The following SSBP3 variants were observed in gnomAD, a reference collection of about 807,000 sequenced individuals.
SSBP3 encodes the protein single-stranded DNA-binding protein 3.
Under a neutral mutation model 69.6 loss-of-function variants are expected in SSBP3, and 5 were observed. The ratio of observed to expected loss-of-function variants is 0.07; its 90% confidence interval spans 0.04 to 0.15. SSBP3 has a LOEUF of 0.15. Ranked by LOEUF, SSBP3 falls within the 10% of genes least tolerant of loss-of-function variation. The pLI is 1.00. For synonymous variants in SSBP3, 196 were observed against 193.4 expected, an observed-to-expected ratio of 1.01 and a Z score of -0.11; for missense variants, 312 against 534.0, an observed-to-expected ratio of 0.58 and a Z score of 4.10.
intron 4 of SSBP3, among the ~76,000 whole-genome samples, chr1:54,374,429 AGGCCCTGCT>A (rs1452840179): frequency 6.6e-6 from 1 of 152,224 alleles, no homozygotes; most frequent in Non-Finnish European, 1.5e-5. Flanking sequence ...CACTTTCTTG[AGGCCCTGCT>A]GGCCCTGCTC....
chr1:54,368,027 C>T (rs1157904473), intron 4 of SSBP3, among the ~76,000 whole-genome samples: 4 of 152,110 alleles, frequency 2.6e-5, no homozygotes, highest in African/African-American at 9.7e-5. Context: ...CTAGGCCGGG[C>T]ACAGTGGCTC....
chr1:54,243,181 A>G, intron 10 of SSBP3, 54 bp downstream of exon 10: 1 of 1,544,156 alleles, frequency 6.5e-7, no homozygotes, highest in Non-Finnish European at 9.0e-7. Context: ...GTGCTGGCAG[A>G]GGGTGGGGGA....
chr1:54,330,784 G>A (rs1374042452), intron 4 of SSBP3, among the ~76,000 whole-genome samples: 2 of 152,102 alleles, frequency 1.3e-5, no homozygotes, highest in East Asian at 3.9e-4. Context: ...TCCCACCCAC[G>A]TCAAAACCAG....
chr1:54,297,212 C>G (rs915212004), intron 4 of SSBP3, among the ~76,000 whole-genome samples: 2 of 152,202 alleles, frequency 1.3e-5, no homozygotes, highest in African/African-American at 4.8e-5. Context: ...TCCTTTGGGT[C>G]TGGTACCAAT....
chr1:54,270,432 G>A (rs1645173531), intron 5 of SSBP3, among the ~76,000 whole-genome samples: 1 of 152,208 alleles, frequency 6.6e-6, no homozygotes, highest in Non-Finnish European at 1.5e-5. Flanking sequence ...AGGTAAATCA[G>A]GTGGACAAGA....
At chr1:54,303,447 C>A (rs561179365) in intron 4 of SSBP3, among the ~76,000 whole-genome samples, 1 of 152,324 alleles carries the variant, frequency 6.6e-6, no homozygotes, top group African/African-American at 2.4e-5. Context: ...AAACAATCAC[C>A]CGCATTTCCC....
chr1:54,399,999 C>T (rs1166196820), intron 4 of SSBP3, among the ~76,000 whole-genome samples: 1 of 152,114 alleles, frequency 6.6e-6, no homozygotes, highest in East Asian at 1.9e-4. Flanking sequence ...GAAGTGTAGG[C>T]CTCAATTAGG....
chr1:54,268,399 C>T (rs962690207), intron 5 of SSBP3, among the ~76,000 whole-genome samples: 3 of 152,356 alleles, frequency 2.0e-5, no homozygotes, highest in South Asian at 2.1e-4. Flanking sequence ...GCCTCATCCA[C>T]CCAGAGAATT....
At chr1:54,301,145 G>A (rs537585930) in intron 4 of SSBP3, among the ~76,000 whole-genome samples, 19 of 152,282 alleles carry the variant, frequency 1.2e-4, no homozygotes, top group African/African-American at 4.6e-4. Flanking sequence ...AGGTCACTCG[G>A]CAAGGTTAGG....
rs770938911 is a variant in SSBP3, at chr1:54,227,189, G to A, written c.1138-29C>T. 1.9e-5 allele frequency: 22 copies of A among 1,178,532 alleles called. 3 individuals are homozygous for A. Among genetic ancestry groups the A allele is most frequent in the Admixed American group, 5.3e-5 (3 of 56,246 alleles). 73.0% of individuals were successfully genotyped at this position (1,178,532 alleles called of 1,614,324 possible). ...GAAAGGAGAAGCAGAGAAGGGGGGG[G>A]GGTGAGGATTGTGGGGAGGCCGCTG... On this transcript the variant is annotated intron_variant, in intron 17 of 17. Coordinates refer to ENST00000610401, the Ensembl canonical transcript of SSBP3.
At chr1:54,402,448 T>G (rs977284907) in intron 3 of SSBP3, among the ~76,000 whole-genome samples, 6 of 152,200 alleles carry the variant, frequency 3.9e-5, no homozygotes, top group Non-Finnish European at 8.8e-5. Flanking sequence ...ATGCCGCGAT[T>G]TGGAAGACTC....
At chr1:54,361,213 A>G (rs949698112) in intron 4 of SSBP3, among the ~76,000 whole-genome samples, 14 of 152,156 alleles carry the variant, frequency 9.2e-5, no homozygotes, top group African/African-American at 3.4e-4. Context: ...AATTACTTCT[A>G]CCCTAGAAGG....
Position 54,322,727 on chromosome 1 carries a change from C to G in SSBP3, c.277-41200G>C, listed in dbSNP as rs368944540. 1.7e-4 allele frequency among the ~76,000 whole-genome samples: 26 copies of G among 152,186 alleles called. No individual in the cohort carries two copies. In the East Asian group the frequency reaches 2.5e-3, roughly 15 times the overall value. On this transcript the variant is annotated intron_variant, in intron 4 of 17. Transcript: ENST00000610401. ...CAACAACTCACCTGTCTCCCTACCC[C>G]CCAACCCCGGCACCTCAACCAACCA...
intron 5 of SSBP3, among the ~76,000 whole-genome samples, chr1:54,265,282 G>A (rs923193999): frequency 6.6e-6 from 1 of 152,182 alleles, no homozygotes; most frequent in African/African-American, 2.4e-5. Flanking sequence ...ACTTGGCATG[G>A]CTTGGAGAGG....
At chr1:54,376,832 C>T (rs530799492) in intron 4 of SSBP3, among the ~76,000 whole-genome samples, 8 of 152,320 alleles carry the variant, frequency 5.3e-5, no homozygotes, top group African/African-American at 1.9e-4. Flanking sequence ...TGCCACTGCC[C>T]ATCCCAGGAG....
At chr1:54,410,394 G>A (rs1410246263), upstream of SSBP3, among the ~76,000 whole-genome samples, 3 of 152,220 alleles carry the variant, frequency 2.0e-5, no homozygotes, top group Non-Finnish European at 4.4e-5. Context: ...GACTGTGCTT[G>A]CCAAGGATGC....
At chr1:54,311,231 C>T (rs1645996609) in intron 4 of SSBP3, among the ~76,000 whole-genome samples, 1 of 152,160 alleles carries the variant, frequency 6.6e-6, no homozygotes, top group South Asian at 2.1e-4. Context: ...AATCCACCAC[C>T]AGTGAAGACC....
At chr1:54,311,576 G>A (rs1263372686) in intron 4 of SSBP3, among the ~76,000 whole-genome samples, 1 of 152,118 alleles carries the variant, frequency 6.6e-6, no homozygotes, top group African/African-American at 2.4e-5. Context: ...GGGGCCCATT[G>A]AGAGCATGTG....
At chr1:54,302,149 T>C (rs140525023) in intron 4 of SSBP3, among the ~76,000 whole-genome samples, 1 of 151,578 alleles carries the variant, frequency 6.6e-6, no homozygotes, top group East Asian at 1.9e-4. Flanking sequence ...CTGTGTCTGT[T>C]TGTGTGTCTT....
Sources: gnomAD v4.1 joint callset for allele counts (sites outside exome capture counted in the v4.1 genomes callset) on GRCh38, gnomAD v4.1.1 for gene constraint, MANE v1.5 for transcripts, NCBI Gene and HGNC (gene_info 2026-07-23, HGNC 2026-07-21) for gene names.